KLF2: variants seen among roughly 807,000 people sequenced by gnomAD.
KLF2 encodes KLF transcription factor 2.
In KLF2, 9 loss-of-function variants were observed where a neutral mutation model predicts 22.2. The ratio of observed to expected loss-of-function variants is 0.40; its 90% CI spans 0.24 to 0.71. The LOEUF (loss-of-function observed/expected upper bound fraction) is 0.71, where lower values mean the gene tolerates loss of function less well. KLF2 is among the 30% of genes least tolerant of loss of function. The pLI, the probability that KLF2 is intolerant of heterozygous loss-of-function variation, is 0.35. For missense variants in KLF2, 481 were observed against 542.1 expected (o/e 0.89, Z 1.12); for synonymous variants, 299 against 264.2 (o/e 1.13, Z -1.28).
chr19:16,325,469 G>A lies in KLF2; in HGVS notation c.329G>A (p.Gly110Asp), dbSNP rs1013590216. 5 of 1,378,298 alleles carry A rather than the reference G, an allele frequency of 3.6e-6. No homozygotes were observed. The African/African-American group carries it at 4.6e-5, about 13-fold the overall frequency. 85.4% of individuals were successfully genotyped at this position (1,378,298 alleles called of 1,614,324 possible). Residue 110 changes from glycine to aspartate, a missense_variant, in exon 2 of 3, where the codon GGC (glycine) becomes GAC (aspartate). Coordinates refer to ENST00000248071, the MANE Select transcript of KLF2 (RefSeq NM_016270.4). ...GCGCCGCTGGGGCCCGCACTGCACG[G>A]CCGCTTTCTGCTGGCGCCGCCCGGC... The part of the protein sequence containing the change: ...LDAPLGPALH[G>D]RFLLAPPGRL...
chr19:16,325,406 G>A lies in KLF2; in HGVS notation c.266G>A (p.Gly89Asp), dbSNP rs1307022899. 3 of 1,424,708 alleles carry A rather than the reference G, an allele frequency of 2.1e-6. No homozygotes were observed. Among genetic ancestry groups the A allele is most frequent in the South Asian group, 1.5e-5 (1 of 68,242 alleles). The allele number at this position is 1,424,708 out of a possible 1,614,324, so 88.3% of individuals were successfully genotyped here. Residue 89 changes from glycine (G) to aspartate (D), a missense_variant, in exon 2 of 3, where the codon GGT (glycine) becomes GAT (aspartate). Around this residue, in one of 2 missense-constraint regions of KLF2, gnomAD observed 421 missense variants for 435.1 expected, o/e 0.97. Transcript: ENST00000248071. ...CCCCCGCCCTACAGCGCCCCCGCGG[G>A]TGGCCTGGTGTCTGAGCTGCTGCGA... is the stretch of plus-strand genomic sequence containing the variant. ...GAPPPYSAPA[G>D]GLVSELLRPE...
At chr19:16,326,498 C>A (rs529152843) in intron 2 of KLF2, among the ~76,000 whole-genome samples, 1 of 151,962 alleles carries the variant, frequency 6.6e-6, no homozygotes, top group South Asian at 2.1e-4. Flanking sequence ...GGAGGGCGCT[C>A]AGGCTTGGGA....
Position 16,325,412 on chromosome 19 carries a change from TG to T in KLF2, c.274del (p.Val92CysfsTer49). On this transcript the variant is annotated frameshift_variant, in exon 2 of 3. Coordinates refer to ENST00000248071, the MANE Select transcript of KLF2 (RefSeq NM_016270.4). LOFTEE classifies it high-confidence loss of function. ...PPPYSAPAGG[L>X]VSELLRPELD... is the part of the protein sequence containing the mutation. ...CCCTACAGCGCCCCCGCGGGTGGCCTGGTGTCTGAGCTGCTGCGACCCGAGC... is the reference window on the plus strand; with the variant it reads ...CCCTACAGCGCCCCCGCGGGTGGCCTGTGTCTGAGCTGCTGCGACCCGAGC... 1 of 1,427,520 alleles carries T rather than the reference TG, an allele frequency of 7.0e-7. No individual in the cohort carries two copies. The highest frequency in any genetic ancestry group is 9.1e-7 in the Non-Finnish European group (1 of 1,102,186). The allele number at this position is 1,427,520 out of a possible 1,614,324, so 88.4% of individuals were successfully genotyped here.
chr19:16,325,216 C>T lies in KLF2; in HGVS notation c.76C>T (p.Arg26Cys). Residue 26 changes from arginine to cysteine, a missense_variant and splice_region_variant, in exon 2 of 3, where the codon CGC becomes TGC. By Grantham distance (180) the Arg-to-Cys change is radical (BLOSUM62 -3). This residue lies in a region of KLF2 where 421 missense variants were observed against 435.1 expected (regional missense o/e 0.97). Coordinates refer to ENST00000248071, the MANE Select transcript of KLF2 (RefSeq NM_016270.4). ...SPCRERGLQE[R>C]WPRAEPESGG... ...ACGCCCATTGCCCTGTCGCCCGCAG[C>T]GCTGGCCGCGCGCCGAACCCGAGTC... 2 of 1,519,358 alleles carry T rather than the reference C, an allele frequency of 1.3e-6. No individual in the cohort carries two copies. Among genetic ancestry groups the T allele is most frequent in the East Asian group, 5.3e-5 (2 of 38,092 alleles). The allele number at this position is 1,519,358 out of a possible 1,614,324, so 94.1% of individuals were successfully genotyped here.
intron 1 of KLF2, 33 bp downstream of exon 1, chr19:16,325,031 A>G (rs1254101239): frequency 4.6e-6 from 7 of 1,509,936 alleles, no homozygotes; most frequent in Non-Finnish European, 6.2e-6. Flanking sequence ...GGCGGCCGGG[A>G]CCGTGGGCGG....
chr19:16,328,645 C>A lies in KLF2; in HGVS notation c.*1614C>A, dbSNP rs2091897068. Among the ~76,000 whole-genome samples, 1 of 152,306 alleles carries A rather than the reference C, an allele frequency of 6.6e-6. No individual in the cohort carries two copies. The highest frequency in any genetic ancestry group is 1.5e-5 in the Non-Finnish European group (1 of 68,032). ...AAAAGCAGAAATACGATTTGACAAT[C>A]TGATTCATTTTCCGAGAGTAAATAG... On this transcript the variant is annotated 3_prime_UTR_variant, in exon 3 of 3. Transcript: ENST00000248071.
rs1391443649 is a variant in KLF2 at position 16,325,328 on chromosome 19, AGCCGCCGCCGCCGCCCCC to A, written c.195_212del (p.Pro66_Pro71del). The A allele has an allele frequency of 1.4e-6, 2 of 1,475,138 alleles. No homozygotes were observed. The highest frequency in any genetic ancestry group is 5.1e-5 in the Admixed American group (2 of 39,076). The allele number at this position is 1,475,138 out of a possible 1,614,324, so 91.4% of individuals were successfully genotyped here. On this transcript the variant is annotated inframe_deletion, in exon 2 of 3. Transcript: ENST00000248071. ...GGCCTGGGCGCCGAGGCCGCCCCGG[AGCCGCCGCCGCCGCCCCC>A]GCCGCCTGCGTTCTATTACCCCGAA...
In KLF2 at chr19:16,326,013, G is replaced by A. The variant is rs774243635; in HGVS notation, c.873G>A (p.Ala291=). The change falls in exon 2 of 3, where the codon GCG becomes GCA. Residue 291 remains alanine, a synonymous_variant. Coordinates refer to ENST00000248071, the MANE Select transcript of KLF2 (RefSeq NM_016270.4). ...KTYTKSSHLK[A]HLRTHTGEKP... ...ACACCAAGAGTTCGCATCTGAAGGC[G>A]CATCTGCGCACGCACACAGGTGGGC... 2 of 1,551,718 alleles carry A rather than the reference G, an allele frequency of 1.3e-6. No individual in the cohort carries two copies. The highest frequency in any genetic ancestry group is 1.2e-5 in the South Asian group (1 of 84,566).
Position 16,327,051 on chromosome 19 carries a change from C to T in KLF2, c.*20C>T. 2 of 1,546,614 alleles carry T rather than the reference C, an allele frequency of 1.3e-6. No homozygotes were observed. ...ATGTAGCCGGGACGCCCCCGCCCAC[C>T]TGCGCGCGGCCGTGGCGGGTCCCAC... On this transcript the variant is annotated 3_prime_UTR_variant, in exon 3 of 3. Coordinates refer to ENST00000248071, the MANE Select transcript of KLF2 (RefSeq NM_016270.4).
Position 16,325,472 on chromosome 19 carries a change from G to A in KLF2, c.332G>A (p.Arg111His), listed in dbSNP as rs767604411. ...DAPLGPALHG[R>H]FLLAPPGRLV... ...CCGCTGGGGCCCGCACTGCACGGCC[G>A]CTTTCTGCTGGCGCCGCCCGGCCGC... Residue 111 changes from arginine to histidine, a missense_variant, in exon 2 of 3, where the codon CGC becomes CAC. By Grantham distance (29) the Arg-to-His change is conservative. Coordinates refer to ENST00000248071, the MANE Select transcript of KLF2 (RefSeq NM_016270.4). The A allele has an allele frequency of 2.9e-6, 4 of 1,375,496 alleles. No individual in the cohort carries two copies. The highest frequency in any genetic ancestry group is 3.7e-6 in the Non-Finnish European group (4 of 1,068,962). 85.2% of individuals were successfully genotyped at this position (1,375,496 alleles called of 1,614,324 possible). A position where few individuals can be genotyped will look rare whatever the true frequency, so the allele number is the denominator to read the frequency against.
At chr19:16,325,104 C>A in intron 1 of KLF2, 106 bp downstream of exon 1, 1 of 1,328,394 alleles carries the variant, frequency 7.5e-7, no homozygotes, top group Non-Finnish European at 1.0e-6. Context: ...GGACTGCAGA[C>A]TCAGGAGAGG....
intron 1 of KLF2, 94 bp from the exon 2 acceptor site, chr19:16,325,122 G>T: frequency 7.6e-7 from 1 of 1,311,296 alleles, no homozygotes; most frequent in South Asian, 1.4e-5. Flanking sequence ...AGGAGGATGC[G>T]GGCCACGGGG....
chr19:16,326,135 C>T lies in KLF2; in HGVS notation c.892+103C>T, dbSNP rs2091889389. 5 of 1,178,044 alleles carry T rather than the reference C, an allele frequency of 4.2e-6. No individual in the cohort carries two copies. The East Asian group carries it at 1.5e-4, about 35-fold the overall frequency. 73.0% of individuals were successfully genotyped at this position (1,178,044 alleles called of 1,614,324 possible). A position where few individuals can be genotyped will look rare whatever the true frequency, so the allele number is the denominator to read the frequency against. ...AATGAATTTAGGACCTCCCTTGGGGCGTGGCTCAGGGGGATCTGGCAGGTG... is the reference window on the plus strand; with the variant it reads ...AATGAATTTAGGACCTCCCTTGGGGTGTGGCTCAGGGGGATCTGGCAGGTG... On this transcript the variant is annotated intron_variant, in intron 2 of 2. Coordinates refer to ENST00000248071, the MANE Select transcript of KLF2 (RefSeq NM_016270.4).
At chr19:16,326,512 C>T (rs549295070) in intron 2 of KLF2, among the ~76,000 whole-genome samples, 92 of 152,082 alleles carry the variant, frequency 6.0e-4, no homozygotes, top group African/African-American at 2.0e-3. Context: ...CTTGGGACTC[C>T]TCTGGGGACA....
rs758601723 is a variant in KLF2 at position 16,324,966 on chromosome 19, G to A, written c.43G>A (p.Ala15Thr). 3 of 1,601,966 alleles carry A rather than the reference G, an allele frequency of 1.9e-6. No individual in the cohort carries two copies. Among genetic ancestry groups the A allele is most frequent in the Non-Finnish European group, 2.6e-6 (3 of 1,175,404 alleles). The change falls in exon 1 of 3, where the codon GCC (alanine) becomes ACC (threonine). Residue 15 changes from alanine (A) to threonine (T), a missense_variant. Physicochemically the swap from Ala to Thr is moderately conservative, Grantham distance 58 (BLOSUM62 0). Coordinates refer to ENST00000248071, the MANE Select transcript of KLF2 (RefSeq NM_016270.4). ...EPILPSFSTFASPCRERGLQE... is the reference protein window; with the variant it reads ...EPILPSFSTFTSPCRERGLQE... ...CATCCTGCCGTCCTTCTCCACTTTC[G>A]CCAGCCCGTGCCGCGAGCGCGGCCT...
Position 16,325,814 on chromosome 19 carries a change from C to A in KLF2, c.674C>A (p.Ala225Glu). 7.4e-7 allele frequency: 1 copy of A among 1,351,280 alleles called. No homozygotes were observed. The highest frequency in any genetic ancestry group is 9.4e-7 in the Non-Finnish European group (1 of 1,059,942). 83.7% of individuals were successfully genotyped at this position (1,351,280 alleles called of 1,614,324 possible). A position where few individuals can be genotyped will look rare whatever the true frequency, so the allele number is the denominator to read the frequency against. Residue 225 changes from alanine (A) to glutamate (E), a missense_variant, in exon 2 of 3, where the codon GCG (alanine) becomes GAG (glutamate). Physicochemically the swap from Ala to Glu is moderately radical, Grantham distance 107 (BLOSUM62 -1). Coordinates refer to ENST00000248071, the MANE Select transcript of KLF2 (RefSeq NM_016270.4). ...CCAGCCTTCGGTCTCTTCGACGACG[C>A]GGCCGCCGCCGCGGCAGCCCTGGGC... ...APPAFGLFDD[A>E]AAAAAALGLA...
At position 16,327,191 on chromosome 19, in the gene KLF2, A is replaced by G. The variant is rs1276012099; in HGVS notation, c.*160A>G. 18 of 635,012 alleles carry G rather than the reference A, an allele frequency of 2.8e-5. No individual in the cohort carries two copies. Among genetic ancestry groups the G allele is most frequent in the Non-Finnish European group, 3.4e-5 (13 of 383,504 alleles). The allele number at this position is 635,012 out of a possible 1,614,324, so 39.3% of individuals were successfully genotyped here. ...CCTCGATGACGACGACGACGACGCC[A>G]CCACCCCAGCCCCCGTCTGTGACTG... On this transcript the variant is annotated 3_prime_UTR_variant, in exon 3 of 3. Transcript: ENST00000248071.
Position 16,324,860 on chromosome 19 carries a change from G to C in KLF2, c.-64G>C. 1 of 1,407,694 alleles carries C rather than the reference G, an allele frequency of 7.1e-7. No individual in the cohort carries two copies. Among genetic ancestry groups the C allele is most frequent in the Non-Finnish European group, 9.7e-7 (1 of 1,029,508 alleles). The allele number at this position is 1,407,694 out of a possible 1,614,324, so 87.2% of individuals were successfully genotyped here. A position where few individuals can be genotyped will look rare whatever the true frequency, so the allele number is the denominator to read the frequency against. On this transcript the variant is annotated 5_prime_UTR_variant, in exon 1 of 3. Coordinates refer to ENST00000248071, the MANE Select transcript of KLF2 (RefSeq NM_016270.4). ...TCCCCGCCCGCCCGCGCCCCGACCA[G>C]CCCGGCCTCGGGCAGCCACTCACCG...
rs990403335 is a variant in KLF2 at position 16,328,379 on chromosome 19, C to A, written c.*1348C>A. ...CCAAGTGTCTCAGGCAAGGAGGTAT[C>A]TCTCCCCCCAGATTTCACCTGCCAC... On this transcript the variant is annotated 3_prime_UTR_variant, in exon 3 of 3. Transcript: ENST00000248071. Among the ~76,000 whole-genome samples, 9 of 152,102 alleles carry A rather than the reference C, an allele frequency of 5.9e-5. No homozygotes were observed. The highest frequency in any genetic ancestry group is 2.2e-4 in the African/African-American group (9 of 41,398).
Sources: allele counts gnomAD v4.1 joint callset (sites outside exome capture counted in the v4.1 genomes callset), GRCh38; gene constraint gnomAD v4.1.1; regional missense constraint gnomAD v4.1.1; transcripts MANE v1.5; gene names NCBI Gene and HGNC (gene_info 2026-07-23, HGNC 2026-07-21).